Variants in ATP11C observed in about 807,000 individuals in gnomAD.
The protein encoded by ATP11C is ATPase phospholipid transporting 11C (ATP11C blood group).
A neutral mutation model predicts 97.4 loss-of-function variants in ATP11C; 36 were observed. The ratio of observed to expected loss-of-function variants is 0.37; its 90% confidence interval spans 0.28 to 0.49. ATP11C has a LOEUF of 0.49. Ranked by LOEUF, ATP11C falls within the 20% of genes least tolerant of loss-of-function variation. The probability of loss-of-function intolerance (pLI) is 0.98; values close to 1 mark genes in which losing one functional copy is unlikely to be tolerated. For missense variants in ATP11C, 730 were observed against 824.6 expected (o/e 0.89, Z 1.40); for synonymous variants, 275 against 290.9 (o/e 0.95, Z 0.56).
chrX:139,854,374 T>C (rs1286531927), intron 1 of ATP11C, among the ~76,000 whole-genome samples: 2 of 112,321 alleles, frequency 1.8e-5, no homozygotes, highest in Non-Finnish European at 3.8e-5. Context: ...TATCCTAACT[T>C]CTAATCTTAT....
chrX:139,803,685 C>CTTTTTTTTTTTTTTTTTTTTTTTT (rs140315105), intron 6 of ATP11C, among the ~76,000 whole-genome samples: 1 of 38,265 alleles, frequency 2.6e-5, no homozygotes, highest in African/African-American at 1.0e-4. Flanking sequence ...TACACCCTAT[C>CTTTTTTTTTTTTTTTTTTTTTTTT]TTTTTTTTTT....
At chrX:139,871,981 T>C (rs1339013477) in intron 1 of ATP11C, among the ~76,000 whole-genome samples, 1 of 111,126 alleles carries the variant, frequency 9.0e-6, no homozygotes, top group Non-Finnish European at 1.9e-5. Flanking sequence ...AATGAAAAAA[T>C]ACACTCCTAC....
intron 5 of ATP11C, among the ~76,000 whole-genome samples, chrX:139,812,575 C>T (rs2083198553): frequency 9.5e-6 from 1 of 105,206 alleles, no homozygotes. Context: ...GACAGGGTCT[C>T]ACTCTGTCAC....
At chrX:139,870,828 G>A (rs1202764844) in intron 1 of ATP11C, among the ~76,000 whole-genome samples, 2 of 111,145 alleles carry the variant, frequency 1.8e-5, no homozygotes, top group African/African-American at 3.3e-5. Context: ...AGGCCGAGGC[G>A]GGTGGATCAT....
intron 1 of ATP11C, among the ~76,000 whole-genome samples, chrX:139,922,415 C>T (rs1232166149): frequency 1.9e-5 from 2 of 106,848 alleles, no homozygotes; most frequent in Non-Finnish European, 3.8e-5. Context: ...AAAATTACTA[C>T]AGCAAACGTA....
intron 20 of ATP11C, among the ~76,000 whole-genome samples, chrX:139,765,758 G>A (rs764530144): frequency 2.4e-4 from 27 of 112,108 alleles, no homozygotes; most frequent in African/African-American, 8.7e-4. Context: ...ACAGCAGGGT[G>A]TAGGAAGAAC....
Position 139,788,316 on chromosome X carries a change from A to G in ATP11C, c.1396T>C (p.Leu466=). ...ATTTCTACAGTATGACATAAACACAAGGCACGTAGAAACAGCTCTTCTCGA... is the reference window on the plus strand; with the variant it reads ...ATTTCTACAGTATGACATAAACACAGGGCACGTAGAAACAGCTCTTCTCGA... The part of the protein sequence containing the change: ...KNREELFLRA[L]CLCHTVEIKT... The change falls in exon 14 of 30, where the codon TTG becomes CTG. Residue 466 remains leucine, a synonymous_variant. Coordinates refer to ENST00000682941, the MANE Select transcript of ATP11C (RefSeq NM_001353812.2). The G allele has an allele frequency of 8.3e-7, 1 of 1,206,096 alleles. No homozygotes were observed. Among genetic ancestry groups the G allele is most frequent in the Non-Finnish European group, 1.1e-6 (1 of 892,169 alleles).
chrX:139,828,866 G>T (rs1400640319), intron 1 of ATP11C, among the ~76,000 whole-genome samples: 1 of 112,056 alleles, frequency 8.9e-6, no homozygotes, highest in East Asian at 2.8e-4. Flanking sequence ...ATTCTGAATT[G>T]TCTTCTACAT....
intron 12 of ATP11C, among the ~76,000 whole-genome samples, 196 bp from the exon 13 acceptor site, chrX:139,789,684 C>T (rs1434039977): frequency 9.0e-6 from 1 of 111,689 alleles, no homozygotes; most frequent in African/African-American, 3.3e-5. Flanking sequence ...CACCAAAATG[C>T]TATCACATGT....
At chrX:139,890,074 A>G (rs759545001) in intron 1 of ATP11C, among the ~76,000 whole-genome samples, 12 of 111,874 alleles carry the variant, frequency 1.1e-4, no homozygotes, top group Non-Finnish European at 2.3e-4. Flanking sequence ...TTCTGAAAAG[A>G]CATAGTAGAA....
intron 1 of ATP11C, among the ~76,000 whole-genome samples, chrX:139,846,273 C>G (rs962928056): frequency 8.9e-5 from 10 of 111,976 alleles, no homozygotes; most frequent in Non-Finnish European, 1.9e-4. Flanking sequence ...TATTTTTACC[C>G]AAAAGAATTC....
chrX:139,789,300 T>C (rs1603367840), intron 13 of ATP11C, 27 bp downstream of exon 13: 1 of 1,154,063 alleles, frequency 8.7e-7, no homozygotes, highest in Non-Finnish European at 1.2e-6. Flanking sequence ...GATTGGTTTC[T>C]TATATAAAAC....
intron 1 of ATP11C, among the ~76,000 whole-genome samples, chrX:139,874,851 G>C (rs2084442957): frequency 8.9e-6 from 1 of 111,869 alleles, no homozygotes; most frequent in Non-Finnish European, 1.9e-5. Context: ...TCTACAGTGA[G>C]GCTTCCTGAT....
chrX:139,894,410 T>C (rs2084775729), intron 1 of ATP11C, among the ~76,000 whole-genome samples: 1 of 112,216 alleles, frequency 8.9e-6, no homozygotes, highest in South Asian at 3.7e-4. Context: ...ATACCACATG[T>C]TCTCATTCAT....
At chrX:139,905,826 A>T (rs2084965632) in intron 1 of ATP11C, among the ~76,000 whole-genome samples, 1 of 112,001 alleles carries the variant, frequency 8.9e-6, no homozygotes, top group Non-Finnish European at 1.9e-5. Flanking sequence ...TGGAAGATCA[A>T]GGGCAAAAAT....
chrX:139,929,614 A>G (rs1190778727), intron 1 of ATP11C, among the ~76,000 whole-genome samples: 2 of 111,571 alleles, frequency 1.8e-5, no homozygotes, highest in African/African-American at 6.5e-5. Flanking sequence ...TTATTTCACA[A>G]TCAAAACCAA....
chrX:139,854,068 A>G (rs2084050583), intron 1 of ATP11C, among the ~76,000 whole-genome samples: 1 of 111,654 alleles, frequency 9.0e-6, no homozygotes, highest in Non-Finnish European at 1.9e-5. Flanking sequence ...CAGGTGACTG[A>G]GTGAAAAAGA....
At chrX:139,866,803 C>T (rs1017344888) in intron 1 of ATP11C, among the ~76,000 whole-genome samples, 1 of 111,231 alleles carries the variant, frequency 9.0e-6, no homozygotes, top group African/African-American at 3.3e-5. Flanking sequence ...AATACACTGG[C>T]GAGGCATGGT....
At chrX:139,787,128 C>A (rs751178709) in intron 15 of ATP11C, 45 bp downstream of exon 15, 1 of 1,204,221 alleles carries the variant, frequency 8.3e-7, no homozygotes, top group Non-Finnish European at 1.1e-6. Flanking sequence ...TTAAATTTGA[C>A]TATGGGGTTA....
Sources: gnomAD v4.1 joint callset for allele counts (sites outside exome capture counted in the v4.1 genomes callset) on GRCh38, gnomAD v4.1.1 for gene constraint, MANE v1.5 for transcripts, NCBI Gene and HGNC (gene_info 2026-07-23, HGNC 2026-07-21) for gene names.